PLEKHM1: variants seen among roughly 807,000 people sequenced by gnomAD.
The protein encoded by PLEKHM1 is pleckstrin homology domain-containing family M member 1.
Under a neutral mutation model 94.3 loss-of-function variants are expected in PLEKHM1, and 28 were observed. The ratio of observed to expected loss-of-function variants is 0.30; its 90% CI spans 0.22 to 0.41. The LOEUF (loss-of-function observed/expected upper bound fraction) is 0.41. Ranked by LOEUF, PLEKHM1 falls within the 10% of genes least tolerant of loss-of-function variation. PLEKHM1 has a pLI of 1.00. For synonymous variants in PLEKHM1, 424 were observed against 581.2 expected (o/e 0.73, Z 3.89); for missense variants, 907 against 1,358.6 (o/e 0.67, Z 5.22).
rs770971659 is a variant in PLEKHM1 at position 45,437,992 on chromosome 17, G to C, written c.3060-23C>G. On this transcript the variant is annotated intron_variant, in intron 11 of 11. Transcript: ENST00000430334. This position sits in a 1 kb window ranked among gnomAD's most constrained non-coding sequence, Gnocchi z 4.0. ...CACCTGGGGAGAGAGCAGTAGGCCT[G>C]CTGGTGCCGGCTGGGCTGGAGGTTG... 8 of 1,578,058 alleles carry C rather than the reference G, an allele frequency of 5.1e-6. No homozygotes were observed. In the Admixed American group the frequency reaches 1.0e-4, roughly 20 times the overall value.
Position 45,453,928 on chromosome 17 carries a change from C to A in PLEKHM1, c.1924G>T (p.Asp642Tyr). Residue 642 changes from aspartate to tyrosine, a missense_variant, in exon 7 of 12, where the codon GAC (aspartate) becomes TAC (tyrosine). By Grantham distance (160) the Asp-to-Tyr change is radical. Transcript: ENST00000430334. This position sits in a 1 kb window ranked among gnomAD's most constrained non-coding sequence, Gnocchi z 4.1. ...EDEWVNVQYP[D>Y]QPEEPPEAPQ... The stretch of plus-strand genomic sequence containing the variant: ...GCCTCGGGGGGTTCCTCAGGCTGGT[C>A]TGGGTACTGCACGTTCACCCACTCA... 1 of 1,613,816 alleles carries A rather than the reference C, an allele frequency of 6.2e-7. No individual in the cohort carries two copies. The highest frequency in any genetic ancestry group is 8.5e-7 in the Non-Finnish European group (1 of 1,179,762).
At chr17:45,451,320 G>A (rs1260297224) in intron 7 of PLEKHM1, among the ~76,000 whole-genome samples, 1 of 152,242 alleles carries the variant, frequency 6.6e-6, no homozygotes, top group Non-Finnish European at 1.5e-5. Flanking sequence ...CCTCGGGACT[G>A]TGGGGTAGGG....
chr17:45,438,360 T>C (rs1442346792), intron 11 of PLEKHM1, among the ~76,000 whole-genome samples: 1 of 151,782 alleles, frequency 6.6e-6, no homozygotes, highest in Non-Finnish European at 1.5e-5. Flanking sequence ...AGTGAAACCC[T>C]GTCTCTACTA....
rs758882817 is a variant in PLEKHM1 at position 45,437,684 on chromosome 17, C to A, written c.*174G>T. ...GTGGGGGGAGGGCCAGGGGACACCACGGGGACTTCCTGGGCTTTCTCTGGG... is the reference window on the plus strand; with the variant it reads ...GTGGGGGGAGGGCCAGGGGACACCAAGGGGACTTCCTGGGCTTTCTCTGGG... On this transcript the variant is annotated 3_prime_UTR_variant, in exon 12 of 12. Coordinates refer to ENST00000430334, the MANE Select transcript of PLEKHM1 (RefSeq NM_014798.3). The surrounding 1 kb of genome is among the most constrained non-coding windows in gnomAD (Gnocchi z 4.0). 4 of 700,514 alleles carry A rather than the reference C, an allele frequency of 5.7e-6. No individual in the cohort carries two copies. The highest frequency in any genetic ancestry group is 2.0e-5 in the Admixed American group (1 of 49,796). 43.4% of individuals were successfully genotyped at this position (700,514 alleles called of 1,614,324 possible). A position where few individuals can be genotyped will look rare whatever the true frequency, so the allele number is the denominator to read the frequency against.
Position 45,454,075 on chromosome 17 carries a change from G to A in PLEKHM1, c.1777C>T (p.Arg593Cys), listed in dbSNP as rs372492506. Residue 593 changes from arginine to cysteine, a missense_variant, in exon 7 of 12, where the codon CGC (arginine) becomes TGC (cysteine). Physicochemically the swap from Arg to Cys is radical, Grantham distance 180. This residue lies in a region of PLEKHM1 where 477 missense variants were observed against 601.5 expected (regional missense o/e 0.79). Transcript: ENST00000430334. ...ESVGPAHSDGRFELVFSGKKL... is the reference protein window; with the variant it reads ...ESVGPAHSDGCFELVFSGKKL... ...TTGCCAGAGAAGACCAGCTCAAAGC[G>A]CCCATCACTATGGGCTGGCCCCACA... The A allele has an allele frequency of 2.2e-5, 35 of 1,614,050 alleles. No homozygotes were observed. The highest frequency in any genetic ancestry group is 1.8e-4 in the Admixed American group (11 of 60,006).
intron 6 of PLEKHM1, among the ~76,000 whole-genome samples, chr17:45,457,071 C>T (rs1368851490): frequency 6.6e-6 from 1 of 151,408 alleles, no homozygotes; most frequent in Non-Finnish European, 1.5e-5. Flanking sequence ...ATCCCAGCTC[C>T]TGGAGAGACT....
chr17:45,459,299 T>C (rs1174551587), intron 5 of PLEKHM1: 1 of 152,192 alleles, frequency 6.6e-6, no homozygotes, highest in African/African-American at 2.4e-5. Flanking sequence ...CTCTCAGCTC[T>C]AGGCACCTAC....
chr17:45,437,900 A>G lies in PLEKHM1; in HGVS notation c.3129T>C (p.Cys1043=). 6.2e-7 allele frequency: 1 copy of G among 1,613,944 alleles called. No individual in the cohort carries two copies. Among genetic ancestry groups the G allele is most frequent in the Non-Finnish European group, 8.5e-7 (1 of 1,180,038 alleles). Residue 1043 remains cysteine (C), a synonymous_variant, in exon 12 of 12, where the codon TGT becomes TGC. Transcript: ENST00000430334. This position sits in a 1 kb window ranked among gnomAD's most constrained non-coding sequence, Gnocchi z 4.0. ...QAVVKKGCPR[C]ARRRKYQEQN... Reference sequence around the variant, plus strand: ...GTTCCTGGTACTTGCGCCGGCGGGCACAGCGGGGGCAGCCCTTCTTCACCA... The same window carrying G: ...GTTCCTGGTACTTGCGCCGGCGGGCGCAGCGGGGGCAGCCCTTCTTCACCA...
chr17:45,489,850 T>A (rs1000295396), intron 1 of PLEKHM1, among the ~76,000 whole-genome samples: 2 of 151,736 alleles, frequency 1.3e-5, no homozygotes, highest in Non-Finnish European at 2.9e-5. Context: ...GGGTGAAGAG[T>A]TGCGGTGGGT....
chr17:45,480,850 C>T lies in PLEKHM1; in HGVS notation c.48+1587G>A, dbSNP rs187584031. 5.9e-5 allele frequency among the ~76,000 whole-genome samples: 9 copies of T among 152,324 alleles called. No homozygotes were observed. In the East Asian group the frequency reaches 1.7e-3, roughly 29 times the overall value. ...AATAGACATTTGGGTTGTTTCTACT[C>T]TTTTGCTATTATCAATAATGCTGCT... On this transcript the variant is annotated intron_variant, in intron 2 of 11. Coordinates refer to ENST00000430334, the MANE Select transcript of PLEKHM1 (RefSeq NM_014798.3).
Position 45,439,600 on chromosome 17 carries a change from G to A in PLEKHM1, c.2936C>T (p.Ala979Val). The change falls in exon 11 of 12, where the codon GCC becomes GTC. Residue 979 changes from alanine (A) to valine (V), a missense_variant. Ala to Val is a moderately conservative substitution (Grantham distance 64). Transcript: ENST00000430334. ...ADGVYEGFLK[A>V]LIEFASQHVY... ...ATGCTGGGAGGCAAATTCAATCAGG[G>A]CCTTGAGGAATCCTTCATACACCCC... 1 of 1,614,198 alleles carries A rather than the reference G, an allele frequency of 6.2e-7. No homozygotes were observed. Among genetic ancestry groups the A allele is most frequent in the Non-Finnish European group, 8.5e-7 (1 of 1,180,042 alleles).
intron 8 of PLEKHM1, among the ~76,000 whole-genome samples, chr17:45,447,316 A>T (rs1208533274): frequency 1.3e-5 from 2 of 152,186 alleles, no homozygotes; most frequent in Non-Finnish European, 2.9e-5. Context: ...TGGGGCCCTG[A>T]GGTACCAGCC....
chr17:45,459,863 G>A (rs1014512285), intron 5 of PLEKHM1: 1 of 144,102 alleles, frequency 6.9e-6, no homozygotes, highest in Non-Finnish European at 1.5e-5. Context: ...GTTGTGGGTT[G>A]AATTGTGACC....
chr17:45,474,038 ATTT>A (rs893455320), intron 4 of PLEKHM1, among the ~76,000 whole-genome samples: 6 of 150,808 alleles, frequency 4.0e-5, no homozygotes, highest in Non-Finnish European at 5.9e-5. Flanking sequence ...ATCTATGCAA[ATTT>A]TTTATTTTAT....
At position 45,437,800 on chromosome 17, in the gene PLEKHM1, C is replaced by T. The variant is rs2050313989; in HGVS notation, c.*58G>A. ...TATCCTGGGCTGATGGCAAACCCAG[C>T]CGGGATGGCTGAGCCACACTCACCC... On this transcript the variant is annotated 3_prime_UTR_variant, in exon 12 of 12. Transcript: ENST00000430334. This position sits in a 1 kb window ranked among gnomAD's most constrained non-coding sequence, Gnocchi z 4.0. 6.6e-6 allele frequency: 9 copies of T among 1,367,936 alleles called. No homozygotes were observed. The highest frequency in any genetic ancestry group is 9.4e-6 in the Non-Finnish European group (9 of 956,002). 84.7% of individuals were successfully genotyped at this position (1,367,936 alleles called of 1,614,324 possible). A position where few individuals can be genotyped will look rare whatever the true frequency, so the allele number is the denominator to read the frequency against.
At chr17:45,465,039 A>G (rs973856505) in intron 5 of PLEKHM1, among the ~76,000 whole-genome samples, 3 of 152,078 alleles carry the variant, frequency 2.0e-5, no homozygotes, top group African/African-American at 7.2e-5. Context: ...CATTCCAAAC[A>G]GCCTTATAGC....
rs199719858 is a variant in PLEKHM1 at position 45,454,019 on chromosome 17, G to A, written c.1833C>T (p.Asp611=). The A allele has an allele frequency of 1.9e-6, 3 of 1,614,094 alleles. No individual in the cohort carries two copies. Among genetic ancestry groups the A allele is most frequent in the Non-Finnish European group, 2.5e-6 (3 of 1,179,964 alleles). The change falls in exon 7 of 12, where the codon GAC becomes GAT. Residue 611 remains aspartate, a synonymous_variant. Transcript: ENST00000430334. Reference sequence around the variant, plus strand: ...CCCGGTCCAGCCAGTCCTCAGCTTCGTCCTGGGAGGAGGCGCGCAGGGCCA... The same window carrying A: ...CCCGGTCCAGCCAGTCCTCAGCTTCATCCTGGGAGGAGGCGCGCAGGGCCA... ...KKLALRASSQ[D]EAEDWLDRVR...
chr17:45,479,938 T>C (rs1276322614), intron 2 of PLEKHM1, among the ~76,000 whole-genome samples: 4 of 152,360 alleles, frequency 2.6e-5, no homozygotes, highest in South Asian at 4.1e-4. Context: ...GGAAAAGGAC[T>C]GGAAGGGATT....
chr17:45,476,779 T>C (rs1474715221), intron 3 of PLEKHM1, among the ~76,000 whole-genome samples: 2 of 152,174 alleles, frequency 1.3e-5, no homozygotes, highest in Non-Finnish European at 2.9e-5. Flanking sequence ...CTCCGTCTGA[T>C]GTACATGCCC....
Sources: gnomAD v4.1 joint callset for allele counts (sites outside exome capture counted in the v4.1 genomes callset) on GRCh38, gnomAD v4.1.1 for gene constraint, gnomAD v4.1.1 regional missense constraint, Gnocchi (gnomAD v3.1) non-coding constraint, MANE v1.5 for transcripts, NCBI Gene and HGNC (gene_info 2026-07-23, HGNC 2026-07-21) for gene names.